CDH19: variants seen among roughly 807,000 people sequenced by gnomAD.
CDH19 encodes the protein cadherin 19, also known as cadherin-19.
CDH19 carries 67 observed loss-of-function variants against 64.2 expected under a neutral mutation model. That is an observed-to-expected ratio of 1.04 (90% CI 0.86 to 1.28). The LOEUF (loss-of-function observed/expected upper bound fraction) is 1.28, where lower values mean the gene tolerates loss of function less well. CDH19 is among the 50% of genes most tolerant of loss of function. The probability of loss-of-function intolerance (pLI) is 0.00; values close to 1 mark genes in which losing one functional copy is unlikely to be tolerated. For missense variants in CDH19, 1,030 were observed against 929.0 expected (o/e 1.11, Z -1.41); for synonymous variants, 346 against 319.3 (o/e 1.08, Z -0.89).
At chr18:66,516,370 C>A (rs1010745786) in intron 9 of CDH19, among the ~76,000 whole-genome samples, 3 of 151,704 alleles carry the variant, frequency 2.0e-5, no homozygotes, top group African/African-American at 7.3e-5. Context: ...ATGTGATATA[C>A]AAAAAAACCC....
rs774746679 is a variant in CDH19, at chr18:66,505,277, T to C, written c.1854A>G (p.Leu618=). 6.4e-7 allele frequency: 1 copy of C among 1,570,896 alleles called. No homozygotes were observed. Among genetic ancestry groups the C allele is most frequent in the South Asian group, 1.2e-5 (1 of 84,064 alleles). The change falls in exon 12 of 12, where the codon TTA becomes TTG. Residue 618 remains leucine, a synonymous_variant. Transcript: ENST00000262150. ...ATAGAATCTGTTTTCTCCGTTGTTT[T>C]AAACCCAAAGTCAAAAAAATAAACC... ...IFGFIFLTLG[L]KQRRKQILFP...
At chr18:66,574,552 A>G (rs1378506891) in intron 1 of CDH19, among the ~76,000 whole-genome samples, 1 of 151,622 alleles carries the variant, frequency 6.6e-6, no homozygotes, top group African/African-American at 2.4e-5. Context: ...GAAAAAACAT[A>G]ATGAGAAACA....
intron 9 of CDH19, among the ~76,000 whole-genome samples, chr18:66,526,038 G>T (rs1348529134): frequency 6.6e-6 from 1 of 152,046 alleles, no homozygotes; most frequent in African/African-American, 2.4e-5. Flanking sequence ...ATCATAAATA[G>T]CATTCTTTCT....
intron 2 of CDH19, among the ~76,000 whole-genome samples, chr18:66,571,108 G>T (rs1243961818): frequency 6.6e-6 from 1 of 151,520 alleles, no homozygotes; most frequent in Non-Finnish European, 1.5e-5. Flanking sequence ...GCGTGTGTGT[G>T]TGTGTTCACA....
chr18:66,591,945 G>A (rs190293240), intron 1 of CDH19, among the ~76,000 whole-genome samples: 26 of 151,702 alleles, frequency 1.7e-4, no homozygotes, highest in South Asian at 4.1e-4. Flanking sequence ...TACTTTCCAC[G>A]AGGCATTTCA....
At position 66,572,285 on chromosome 18, in the gene CDH19, A is replaced by AC; in HGVS notation, c.-82_-81insG. 1 of 1,092,040 alleles carries AC rather than the reference A, an allele frequency of 9.2e-7. No homozygotes were observed. The highest frequency in any genetic ancestry group is 1.6e-5 in the South Asian group (1 of 60,820). 67.6% of individuals were successfully genotyped at this position (1,092,040 alleles called of 1,614,324 possible). On this transcript the variant is annotated 5_prime_UTR_variant, in exon 2 of 12. Transcript: ENST00000262150. ...AACAAAAATCTTGCTTTCTTTTATA[A>AC]TCTTTTCTGATTCTGTGTACCTTCT...
chr18:66,592,316 T>A (rs1988768516), intron 1 of CDH19, among the ~76,000 whole-genome samples: 1 of 151,910 alleles, frequency 6.6e-6, no homozygotes. Context: ...GTATTCAATG[T>A]GTGATGATAA....
chr18:66,530,804 A>T (rs1392412865), intron 8 of CDH19, among the ~76,000 whole-genome samples: 3 of 152,126 alleles, frequency 2.0e-5, no homozygotes, highest in Non-Finnish European at 4.4e-5. Flanking sequence ...GCATTGTAGG[A>T]TGCTTAGTGG....
At chr18:66,556,999 A>G (rs1250543945) in intron 3 of CDH19, among the ~76,000 whole-genome samples, 1 of 151,980 alleles carries the variant, frequency 6.6e-6, no homozygotes, top group Admixed American at 6.6e-5. Context: ...ATGGAAAACA[A>G]TATGGAGGTT....
At chr18:66,573,507 T>C (rs1197489768) in intron 1 of CDH19, among the ~76,000 whole-genome samples, 1 of 151,832 alleles carries the variant, frequency 6.6e-6, no homozygotes, top group South Asian at 2.1e-4. Flanking sequence ...AGGTGAAATT[T>C]ATCTTTATGT....
At chr18:66,564,222 T>C (rs143025563) in intron 3 of CDH19, among the ~76,000 whole-genome samples, 13 of 152,044 alleles carry the variant, frequency 8.6e-5, no homozygotes, top group Middle Eastern at 6.8e-3. Flanking sequence ...AAATTTTCTA[T>C]ATGCTTTTCC....
At chr18:66,592,038 C>T (rs935763564) in intron 1 of CDH19, among the ~76,000 whole-genome samples, 1 of 151,830 alleles carries the variant, frequency 6.6e-6, no homozygotes, top group Non-Finnish European at 1.5e-5. Flanking sequence ...AAATCAGCAT[C>T]CTGTTGAAAG....
intron 1 of CDH19, among the ~76,000 whole-genome samples, chr18:66,594,013 C>T (rs1426024463): frequency 1.3e-5 from 2 of 152,058 alleles, no homozygotes; most frequent in African/African-American, 2.4e-5. Flanking sequence ...CAACTGTGTG[C>T]TGAATTAAAA....
chr18:66,532,957 G>T (rs1398048703), intron 8 of CDH19, among the ~76,000 whole-genome samples: 2 of 151,986 alleles, frequency 1.3e-5, no homozygotes, highest in African/African-American at 4.8e-5. Context: ...ATATTGGATT[G>T]CACCTGCTTG....
intron 10 of CDH19, among the ~76,000 whole-genome samples, chr18:66,510,036 T>A (rs1197441656): frequency 6.6e-6 from 1 of 151,860 alleles, no homozygotes; most frequent in South Asian, 2.1e-4. Flanking sequence ...CAAAATATTA[T>A]GAATAACTTT....
At chr18:66,582,279 G>A (rs1162168764) in intron 1 of CDH19, among the ~76,000 whole-genome samples, 1 of 151,958 alleles carries the variant, frequency 6.6e-6, no homozygotes, top group Non-Finnish European at 1.5e-5. Context: ...ATGGCTGTGT[G>A]GGGGAAGACA....
In CDH19 at chr18:66,504,892, A is replaced by G; in HGVS notation, c.2239T>C (p.Tyr747His). Reference sequence around the variant, plus strand: ...GGTCCCAACTCATTAAGGTAATCATAGCTTTCATCCTGATCAGAGACTGCT... The same window carrying G: ...GGTCCCAACTCATTAAGGTAATCATGGCTTTCATCCTGATCAGAGACTGCT... ...ESAVSDQDES[Y>H]DYLNELGPRF... Residue 747 changes from tyrosine (Y) to histidine (H), a missense_variant, in exon 12 of 12, where the codon TAT (tyrosine) becomes CAT (histidine). Coordinates refer to ENST00000262150, the MANE Select transcript of CDH19 (RefSeq NM_021153.4). 6.2e-7 allele frequency: 1 copy of G among 1,613,336 alleles called. No individual in the cohort carries two copies. Among genetic ancestry groups the G allele is most frequent in the Non-Finnish European group, 8.5e-7 (1 of 1,179,616 alleles).
chr18:66,593,448 A>G (rs1055802728), intron 1 of CDH19, among the ~76,000 whole-genome samples: 3 of 151,988 alleles, frequency 2.0e-5, no homozygotes, highest in African/African-American at 7.2e-5. Context: ...TTTTTGACAT[A>G]TAAGTTCTCT....
At chr18:66,588,986 A>G (rs1568212043) in intron 1 of CDH19, among the ~76,000 whole-genome samples, 1 of 151,820 alleles carries the variant, frequency 6.6e-6, no homozygotes, top group South Asian at 2.1e-4. Flanking sequence ...AAAAATTTAA[A>G]AAGTAAAAAT....
Sources: allele counts gnomAD v4.1 joint callset (sites outside exome capture counted in the v4.1 genomes callset), GRCh38; gene constraint gnomAD v4.1.1; transcripts MANE v1.5; gene names NCBI Gene and HGNC (gene_info 2026-07-23, HGNC 2026-07-21).